CERT1: variants seen among roughly 807,000 people sequenced by gnomAD.
CERT1 encodes the protein ceramide transporter 1.
CERT1 carries 31 observed loss-of-function variants against 87.9 expected under a neutral mutation model. The ratio of observed to expected loss-of-function variants is 0.35; its 90% CI spans 0.27 to 0.48. The LOEUF (loss-of-function observed/expected upper bound fraction) is 0.48, where lower values mean the gene tolerates loss of function less well. CERT1 is among the 20% of genes least tolerant of loss of function. The pLI is 0.99. For synonymous variants in CERT1, 289 were observed against 250.9 expected, an observed-to-expected ratio of 1.15 and a Z score of -1.44; for missense variants, 487 against 758.0, an observed-to-expected ratio of 0.64 and a Z score of 4.20.
At chr5:75,460,072 G>A (rs1355022089) in intron 2 of CERT1, among the ~76,000 whole-genome samples, 1 of 151,828 alleles carries the variant, frequency 6.6e-6, no homozygotes, top group African/African-American at 2.4e-5. Context: ...TCATGTTGCT[G>A]GGGTTACAGG....
chr5:75,463,511 C>A (rs541188733), intron 2 of CERT1, among the ~76,000 whole-genome samples: 2 of 152,168 alleles, frequency 1.3e-5, no homozygotes, highest in East Asian at 3.9e-4. Context: ...AAATCCATGG[C>A]ACTTATACCT....
intron 1 of CERT1, among the ~76,000 whole-genome samples, chr5:75,510,582 G>A (rs2112488976): frequency 1.3e-5 from 2 of 152,212 alleles, no homozygotes; most frequent in Middle Eastern, 3.4e-3. Flanking sequence ...CAGGGTGAGG[G>A]AGAAAGTCCT....
Position 75,379,449 on chromosome 5 carries a change from G to A in CERT1, c.1772C>T (p.Ala591Val). The A allele has an allele frequency of 2.5e-6, 4 of 1,613,702 alleles. No homozygotes were observed. The highest frequency in any genetic ancestry group is 3.4e-6 in the Non-Finnish European group (4 of 1,179,804). The part of the protein sequence containing the change: ...ANVNPGGWAP[A>V]SVLRAVAKRE... Reference sequence around the variant, plus strand: ...CTTTGCCACTGCCCTTAACACTGAGGCTGGTGCCCATCCTCCAGGGTTCAC... The same window carrying A: ...CTTTGCCACTGCCCTTAACACTGAGACTGGTGCCCATCCTCCAGGGTTCAC... The change falls in exon 17 of 17, where the codon GCC becomes GTC. Residue 591 changes from alanine (A) to valine (V), a missense_variant. By Grantham distance (64) the Ala-to-Val change is moderately conservative. Around this residue, in one of 8 missense-constraint regions of CERT1, gnomAD observed 33 missense variants for 64.4 expected, o/e 0.51. Coordinates refer to ENST00000643780, the MANE Select transcript of CERT1 (RefSeq NM_001379029.1).
At chr5:75,432,486 A>T (rs957936293) in intron 3 of CERT1, among the ~76,000 whole-genome samples, 1 of 152,230 alleles carries the variant, frequency 6.6e-6, no homozygotes, top group African/African-American at 2.4e-5. Context: ...ACTTTTTCAC[A>T]TGCTTGATGG....
intron 2 of CERT1, among the ~76,000 whole-genome samples, chr5:75,487,446 T>C (rs887297232): frequency 1.3e-5 from 2 of 152,010 alleles, no homozygotes; most frequent in African/African-American, 4.8e-5. Flanking sequence ...ATACCACGTA[T>C]GCACAGGCAA....
chr5:75,429,136 C>G (rs1304369490), intron 3 of CERT1, among the ~76,000 whole-genome samples: 1 of 149,996 alleles, frequency 6.7e-6, no homozygotes, highest in Non-Finnish European at 1.5e-5. Flanking sequence ...ACATAAAATT[C>G]AGGTTATCTG....
intron 3 of CERT1, among the ~76,000 whole-genome samples, chr5:75,434,683 T>C (rs1764016491): frequency 6.6e-6 from 1 of 151,966 alleles, no homozygotes; most frequent in Non-Finnish European, 1.5e-5. Flanking sequence ...GAACTTGTTA[T>C]TGGTCTGTTC....
At chr5:75,445,047 T>C (rs1344327600) in intron 3 of CERT1, among the ~76,000 whole-genome samples, 3 of 152,170 alleles carry the variant, frequency 2.0e-5, no homozygotes, top group African/African-American at 7.2e-5. Flanking sequence ...CCCCTTTCAG[T>C]TGTTGATGTC....
At chr5:75,447,727 G>C (rs925088234) in intron 3 of CERT1, among the ~76,000 whole-genome samples, 2 of 151,766 alleles carry the variant, frequency 1.3e-5, no homozygotes, top group African/African-American at 4.8e-5. Flanking sequence ...ACCCACCTCA[G>C]CCTCCCAGAG....
chr5:75,388,626 A>ATATATATATATATATC (rs1761907766), intron 12 of CERT1, among the ~76,000 whole-genome samples: 3 of 88,234 alleles, frequency 3.4e-5, no homozygotes, highest in African/African-American at 1.7e-4. Flanking sequence ...ATATATATAT[A>ATATATATATATATATC]TATATATATA....
chr5:75,390,517 T>A (rs114205823), intron 11 of CERT1, among the ~76,000 whole-genome samples: 2,272 of 152,214 alleles, frequency 0.015, 57 homozygotes, highest in African/African-American at 0.052. Flanking sequence ...TATCACAAAT[T>A]GTCCTTATAC....
At chr5:75,505,948 A>C in intron 2 of CERT1, 34 bp downstream of exon 2, 4 of 1,576,886 alleles carry the variant, frequency 2.5e-6, no homozygotes, top group Non-Finnish European at 3.5e-6. Context: ...ACACTCAATA[A>C]ATATTTGTTG....
At chr5:75,409,569 C>T (rs1377870606) in intron 8 of CERT1, among the ~76,000 whole-genome samples, 2 of 152,164 alleles carry the variant, frequency 1.3e-5, no homozygotes, top group African/African-American at 2.4e-5. Context: ...CTCTGTTGCC[C>T]AGGCTGGAGC....
chr5:75,377,547 A>G (rs1319658707), downstream of CERT1: 1 of 152,254 alleles, frequency 6.6e-6, no homozygotes, highest in African/African-American at 2.4e-5. Context: ...CAAAATGAGG[A>G]AGCTCCTTAC....
At chr5:75,461,895 T>A (rs1480711177) in intron 2 of CERT1, among the ~76,000 whole-genome samples, 2 of 151,710 alleles carry the variant, frequency 1.3e-5, no homozygotes, top group Non-Finnish European at 1.5e-5. Context: ...AGAGGATGTA[T>A]TATGCAATAA....
chr5:75,428,725 C>A (rs952796438), intron 3 of CERT1, among the ~76,000 whole-genome samples: 2 of 151,006 alleles, frequency 1.3e-5, no homozygotes, highest in Admixed American at 1.3e-4. Context: ...ATAATCAACA[C>A]AAAGAAAGAA....
chr5:75,371,617 C>G (rs953097208), intron 17 of CERT1: 1 of 152,248 alleles, frequency 6.6e-6, no homozygotes, highest in African/African-American at 2.4e-5. Flanking sequence ...TCATCCTCTA[C>G]CTCAAAACCA....
intron 14 of CERT1, among the ~76,000 whole-genome samples, chr5:75,382,522 G>C (rs985433077): frequency 6.6e-6 from 1 of 151,778 alleles, no homozygotes; most frequent in African/African-American, 2.4e-5. Flanking sequence ...AGACTTATTT[G>C]AATCAAATCA....
At chr5:75,461,483 A>T (rs1462012946) in intron 2 of CERT1, among the ~76,000 whole-genome samples, 2 of 152,074 alleles carry the variant, frequency 1.3e-5, no homozygotes, top group East Asian at 3.9e-4. Flanking sequence ...CTAAAGAACC[A>T]AATAAAGTAA....
Sources: gnomAD v4.1 joint callset for allele counts (sites outside exome capture counted in the v4.1 genomes callset) on GRCh38, gnomAD v4.1.1 for gene constraint, gnomAD v4.1.1 regional missense constraint, MANE v1.5 for transcripts, NCBI Gene and HGNC (gene_info 2026-07-23, HGNC 2026-07-21) for gene names.